Variants in F10 observed in about 807,000 individuals in gnomAD.
F10 encodes Stuart-Prower factor.
F10 carries 29 observed loss-of-function variants against 37.1 expected under a neutral mutation model. That is an observed-to-expected ratio of 0.78 (90% confidence interval 0.58 to 1.07). The LOEUF (loss-of-function observed/expected upper bound fraction) is 1.07. Ranked by LOEUF, F10 falls within the 50% of genes least tolerant of loss-of-function variation. The probability of loss-of-function intolerance (pLI) is 0.00; values close to 1 mark genes in which losing one functional copy is unlikely to be tolerated. For missense variants in F10, 539 were observed against 667.9 expected (o/e 0.81, Z 2.13); for synonymous variants, 262 against 268.6 (o/e 0.98, Z 0.24).
chr13:113,138,651 A>G (rs1178788656), intron 3 of F10, among the ~76,000 whole-genome samples, 170 bp downstream of exon 3: 1 of 152,150 alleles, frequency 6.6e-6, no homozygotes, highest in Non-Finnish European at 1.5e-5. Flanking sequence ...TTTTAGAGTA[A>G]TTTTATACTA....
chr13:113,133,178 T>C (rs1158541183), intron 2 of F10, among the ~76,000 whole-genome samples: 2 of 151,796 alleles, frequency 1.3e-5, no homozygotes, highest in African/African-American at 2.4e-5. Flanking sequence ...GCTTCCACTT[T>C]AATAAACTAG....
chr13:113,140,664 C>T (rs1444396235), intron 4 of F10: 7 of 668,274 alleles, frequency 1.0e-5, no homozygotes, highest in Admixed American at 4.1e-5. Context: ...CAGGGGGTAC[C>T]GGCCATCCCG....
chr13:113,139,588 G>C lies in F10; in HGVS notation c.370+118G>C, dbSNP rs116930213. ...TCTTAAGTCATTTCTGATTTACAAA[G>C]TCTGGGCTCTATTATACCTATTATA... On this transcript the variant is annotated intron_variant, in intron 4 of 7. Coordinates refer to ENST00000375559, the MANE Select transcript of F10 (RefSeq NM_000504.4). This position sits in a 1 kb window ranked among gnomAD's most constrained non-coding sequence, Gnocchi z 5.2. The C allele has an allele frequency of 1.2e-6, 1 of 828,616 alleles. No individual in the cohort carries two copies. The allele number at this position is 828,616 out of a possible 1,614,324, so 51.3% of individuals were successfully genotyped here.
In F10 at chr13:113,143,742, C is replaced by T; in HGVS notation, c.503-109C>T. ...CAAGCCCGCTGCCCCTCCGGGTGCCCCTGCGCTCTGCCTCCCGGCTCTCTG... is the reference window on the plus strand; with the variant it reads ...CAAGCCCGCTGCCCCTCCGGGTGCCTCTGCGCTCTGCCTCCCGGCTCTCTG... On this transcript the variant is annotated intron_variant, in intron 5 of 7. Coordinates refer to ENST00000375559, the MANE Select transcript of F10 (RefSeq NM_000504.4). The surrounding 1 kb of genome is among the most constrained non-coding windows in gnomAD (Gnocchi z 6.8). 1 of 1,538,846 alleles carries T rather than the reference C, an allele frequency of 6.5e-7. No homozygotes were observed. Among genetic ancestry groups the T allele is most frequent in the African/African-American group, 1.4e-5 (1 of 73,166 alleles).
chr13:113,142,367 C>T (rs920459698), intron 5 of F10, among the ~76,000 whole-genome samples: 3 of 143,860 alleles, frequency 2.1e-5, no homozygotes, highest in Non-Finnish European at 4.5e-5. Flanking sequence ...CAGTGAAACC[C>T]CGTCTCTAGT....
intron 4 of F10, 132 bp from the exon 5 acceptor site, chr13:113,140,786 TG>T: frequency 7.3e-7 from 1 of 1,370,002 alleles, no homozygotes; most frequent in Non-Finnish European, 1.0e-6. Flanking sequence ...ACCTGTCGCC[TG>T]GCTCTGGCCC....
In F10 at chr13:113,138,465, C is replaced by A; in HGVS notation, c.240C>A (p.Phe80Leu). The A allele has an allele frequency of 1.5e-6, 2 of 1,345,294 alleles. No homozygotes were observed. Among genetic ancestry groups the A allele is most frequent in the Non-Finnish European group, 2.1e-6 (2 of 946,948 alleles). The allele number at this position is 1,345,294 out of a possible 1,614,324, so 83.3% of individuals were successfully genotyped here. Residue 80 changes from phenylalanine to leucine, a missense_variant, in exon 3 of 8, where the codon TTC (phenylalanine) becomes TTA (leucine). Around this residue, in one of 2 missense-constraint regions of F10, gnomAD observed 130 missense variants for 120.0 expected, o/e 1.08. Coordinates refer to ENST00000375559, the MANE Select transcript of F10 (RefSeq NM_000504.4). ...TTCTTTTTTCCTTTTAGAATGAATT[C>A]TGGAATAAATACAAAGGTCAGTATT... The part of the protein sequence containing the change: ...VFEDSDKTNE[F>L]WNKYKDGDQC...
rs1012795950 is a variant in F10, at chr13:113,147,573, T to C, written c.865+77T>C. 3.4e-6 allele frequency: 3 copies of C among 890,272 alleles called. No individual in the cohort carries two copies. In the African/African-American group the frequency reaches 4.9e-5, roughly 15 times the overall value. 55.1% of individuals were successfully genotyped at this position (890,272 alleles called of 1,614,324 possible). The stretch of plus-strand genomic sequence containing the variant: ...GCTTTTCAGAAACCACTAAAGCTGA[T>C]GGAATTTGTTGGGAACACTGGTTGA... On this transcript the variant is annotated intron_variant, in intron 7 of 7. Transcript: ENST00000375559.
intron 5 of F10, among the ~76,000 whole-genome samples, chr13:113,142,959 A>G (rs930726269): frequency 6.6e-5 from 10 of 152,156 alleles, no homozygotes; most frequent in African/African-American, 1.4e-4. Context: ...TCAGTTCCAA[A>G]TAATGGATGA....
In F10 at chr13:113,136,812, G is replaced by A. The variant is rs1329306450; in HGVS notation, c.232-1645G>A. 1.9e-4 allele frequency among the ~76,000 whole-genome samples: 8 copies of A among 42,024 alleles called. 4 individuals are homozygous for A. Among genetic ancestry groups the A allele is most frequent in the Non-Finnish European group, 4.9e-4 (8 of 16,308 alleles). The allele number at this position is 42,024 out of a possible 152,430, so 27.6% of individuals were successfully genotyped here. Reference sequence around the variant, plus strand: ...ACTACAGGCGCCCGCCACTACGCCCGGCTAATTTTTTGTATTTTTAGTAGA... The same window carrying A: ...ACTACAGGCGCCCGCCACTACGCCCAGCTAATTTTTTGTATTTTTAGTAGA... On this transcript the variant is annotated intron_variant, in intron 2 of 7. Coordinates refer to ENST00000375559, the MANE Select transcript of F10 (RefSeq NM_000504.4).
chr13:113,125,821 G>A (rs140045812), intron 1 of F10, among the ~76,000 whole-genome samples: 77 of 152,368 alleles, frequency 5.1e-4, no homozygotes, highest in African/African-American at 1.6e-3. Context: ...GACCAAACAC[G>A]TCAAGTCTTT....
In F10 at chr13:113,149,463, G is replaced by A; in HGVS notation, c.1413G>A (p.Leu471=). ...ACAGGTCCATGAAAACCAGGGGCTTGCCCAAGGCCAAGAGCCATGCCCCGG... is the reference window on the plus strand; with the variant it reads ...ACAGGTCCATGAAAACCAGGGGCTTACCCAAGGCCAAGAGCCATGCCCCGG... ...WIDRSMKTRG[L]PKAKSHAPEV... Residue 471 remains leucine, a synonymous_variant, in exon 8 of 8, where the codon TTG becomes TTA. Coordinates refer to ENST00000375559, the MANE Select transcript of F10 (RefSeq NM_000504.4). The surrounding 1 kb of genome is among the most constrained non-coding windows in gnomAD (Gnocchi z 7.5). 2 of 1,613,368 alleles carry A rather than the reference G, an allele frequency of 1.2e-6. No homozygotes were observed. The highest frequency in any genetic ancestry group is 1.7e-6 in the Non-Finnish European group (2 of 1,180,018).
rs1477096986 is a variant in F10, at chr13:113,142,522, G to C, written c.503-1329G>C. The stretch of plus-strand genomic sequence containing the variant: ...CACTGAGCCGAGATTGCGCCACTGC[G>C]CTCCAGCCTGGGCAACAGAATGAGA... On this transcript the variant is annotated intron_variant, in intron 5 of 7. Coordinates refer to ENST00000375559, the MANE Select transcript of F10 (RefSeq NM_000504.4). 5.2e-5 allele frequency among the ~76,000 whole-genome samples: 7 copies of C among 133,940 alleles called. 2 individuals are homozygous for C. Among genetic ancestry groups the C allele is most frequent in the Non-Finnish European group, 9.6e-5 (6 of 62,546 alleles). The allele number at this position is 133,940 out of a possible 152,430, so 87.9% of individuals were successfully genotyped here.
chr13:113,139,585 A>C lies in F10; in HGVS notation c.370+115A>C, dbSNP rs1225096000. 4 of 841,064 alleles carry C rather than the reference A, an allele frequency of 4.8e-6. No individual in the cohort carries two copies. Among genetic ancestry groups the C allele is most frequent in the South Asian group, 1.4e-5 (1 of 69,950 alleles). The allele number at this position is 841,064 out of a possible 1,614,324, so 52.1% of individuals were successfully genotyped here. On this transcript the variant is annotated intron_variant, in intron 4 of 7. Coordinates refer to ENST00000375559, the MANE Select transcript of F10 (RefSeq NM_000504.4). The surrounding 1 kb of genome is among the most constrained non-coding windows in gnomAD (Gnocchi z 5.2). ...CAATCTTAAGTCATTTCTGATTTAC[A>C]AAGTCTGGGCTCTATTATACCTATT...
At chr13:113,136,552 G>T (rs1045594046) in intron 2 of F10, among the ~76,000 whole-genome samples, 3 of 150,794 alleles carry the variant, frequency 2.0e-5, no homozygotes, top group African/African-American at 7.3e-5. Context: ...CCTCCTCTCA[G>T]GTTCAAGTGA....
In F10 at chr13:113,144,336, C is replaced by G. The variant is rs2036561196; in HGVS notation, c.747+241C>G. 1.2e-5 allele frequency: 7 copies of G among 597,050 alleles called. No homozygotes were observed. The highest frequency in any genetic ancestry group is 2.1e-5 in the Non-Finnish European group (7 of 338,362). The allele number at this position is 597,050 out of a possible 1,614,324, so 37.0% of individuals were successfully genotyped here. On this transcript the variant is annotated intron_variant, in intron 6 of 7. Coordinates refer to ENST00000375559, the MANE Select transcript of F10 (RefSeq NM_000504.4). This position sits in a 1 kb window ranked among gnomAD's most constrained non-coding sequence, Gnocchi z 6.4. ...GAGAGGCTGGGCCCAGGCAACGCCC[C>G]CCTCAGCCCCTTCCCACTGGGCATT...
At position 113,144,672 on chromosome 13, in the gene F10, A is replaced by C. The variant is rs1337956784; in HGVS notation, c.747+577A>C. 6.6e-6 allele frequency among the ~76,000 whole-genome samples: 1 copy of C among 152,236 alleles called. No individual in the cohort carries two copies. Among genetic ancestry groups the C allele is most frequent in the African/African-American group, 2.4e-5 (1 of 41,460 alleles). On this transcript the variant is annotated intron_variant, in intron 6 of 7. Coordinates refer to ENST00000375559, the MANE Select transcript of F10 (RefSeq NM_000504.4). This position sits in a 1 kb window ranked among gnomAD's most constrained non-coding sequence, Gnocchi z 6.4. ...GAGGTAGATAGTACCTTAGAGAAAAACACATCTACTTATTTTCAAAGGTAA... is the reference window on the plus strand; with the variant it reads ...GAGGTAGATAGTACCTTAGAGAAAACCACATCTACTTATTTTCAAAGGTAA...
In F10 at chr13:113,135,681, A is replaced by G. The variant is rs574114658; in HGVS notation, c.232-2776A>G. Among the ~76,000 whole-genome samples the G allele has an allele frequency of 2.1e-3, 314 of 152,368 alleles. 1 individual carries two copies. Among genetic ancestry groups the G allele is most frequent in the African/African-American group, 7.4e-3 (307 of 41,584 alleles). ...GTTGAGACCATAGCAGTGTTGGAAC[A>G]ATTATATATTTATATGCAAAAAAAT... On this transcript the variant is annotated intron_variant, in intron 2 of 7. Transcript: ENST00000375559.
At position 113,139,590 on chromosome 13, in the gene F10, C is replaced by G; in HGVS notation, c.370+120C>G. 1 of 821,898 alleles carries G rather than the reference C, an allele frequency of 1.2e-6. No individual in the cohort carries two copies. The highest frequency in any genetic ancestry group is 2.0e-6 in the Non-Finnish European group (1 of 489,706). 50.9% of individuals were successfully genotyped at this position (821,898 alleles called of 1,614,324 possible). On this transcript the variant is annotated intron_variant, in intron 4 of 7. Transcript: ENST00000375559. The surrounding 1 kb of genome is among the most constrained non-coding windows in gnomAD (Gnocchi z 5.2). ...TTAAGTCATTTCTGATTTACAAAGTCTGGGCTCTATTATACCTATTATACT... is the reference window on the plus strand; with the variant it reads ...TTAAGTCATTTCTGATTTACAAAGTGTGGGCTCTATTATACCTATTATACT...
Sources: allele counts gnomAD v4.1 joint callset (sites outside exome capture counted in the v4.1 genomes callset), GRCh38; gene constraint gnomAD v4.1.1; regional missense constraint gnomAD v4.1.1; non-coding constraint Gnocchi (gnomAD v3.1); transcripts MANE v1.5; gene names NCBI Gene and HGNC (gene_info 2026-07-23, HGNC 2026-07-21).